Variants in METTL6 observed in about 807,000 individuals in gnomAD.
The protein encoded by METTL6 is tRNA N(3)-cytidine methyltransferase METTL6.
In METTL6, 22 loss-of-function variants were observed where a neutral mutation model predicts 26.4. The observed-to-expected ratio is 0.83, with a 90% CI of 0.59 to 1.19. The LOEUF (loss-of-function observed/expected upper bound fraction) is 1.19. METTL6 is among the 50% of genes most tolerant of loss of function. The pLI is 0.00. For synonymous variants in METTL6, 109 were observed against 116.2 expected, an observed-to-expected ratio of 0.94 and a Z score of 0.40; for missense variants, 304 against 324.8, an observed-to-expected ratio of 0.94 and a Z score of 0.49.
At chr3:15,412,233 C>A (rs983828075) in intron 5 of METTL6, among the ~76,000 whole-genome samples, 47 of 152,268 alleles carry the variant, frequency 3.1e-4, no homozygotes, top group African/African-American at 1.1e-3. Context: ...GAGAAAAACA[C>A]CCAGTGGTGA....
At chr3:15,421,362 AG>A (rs1219011242) in intron 3 of METTL6, among the ~76,000 whole-genome samples, 1 of 152,262 alleles carries the variant, frequency 6.6e-6, no homozygotes, top group Non-Finnish European at 1.5e-5. Context: ...TAGAAGGACA[AG>A]TCAAACTGTA....
chr3:15,408,674 A>G (rs956373052), downstream of METTL6, among the ~76,000 whole-genome samples: 1 of 149,104 alleles, frequency 6.7e-6, no homozygotes, highest in Non-Finnish European at 1.5e-5. Flanking sequence ...TCCTGGGCTC[A>G]TGGGATCCTT....
At chr3:15,417,618 C>T (rs1220722404) in intron 3 of METTL6, among the ~76,000 whole-genome samples, 2 of 151,888 alleles carry the variant, frequency 1.3e-5, no homozygotes, top group Non-Finnish European at 2.9e-5. Flanking sequence ...AGTCCCAAAA[C>T]AGACCTGTAT....
chr3:15,422,872 C>T (rs2061638696), intron 3 of METTL6, among the ~76,000 whole-genome samples: 1 of 152,034 alleles, frequency 6.6e-6, no homozygotes, highest in African/African-American at 2.4e-5. Context: ...ATGTAATATG[C>T]AAGACACAAC....
intron 6 of METTL6, among the ~76,000 whole-genome samples, chr3:15,397,695 C>T (rs1044086013): frequency 6.6e-6 from 1 of 152,194 alleles, no homozygotes; most frequent in Non-Finnish European, 1.5e-5. Context: ...AATAGCCCTT[C>T]CCCCAAACTC....
intron 6 of METTL6, among the ~76,000 whole-genome samples, chr3:15,389,948 G>A (rs1699299588): frequency 6.6e-6 from 1 of 151,122 alleles, no homozygotes; most frequent in Admixed American, 6.6e-5. Context: ...GAACTCTTGG[G>A]CTCAAGGGAT....
At chr3:15,415,397 T>G (rs1206489984) in intron 4 of METTL6, 1 of 1,176,622 alleles carries the variant, frequency 8.5e-7, no homozygotes, top group Non-Finnish European at 1.2e-6. Context: ...CCTCAAGTGA[T>G]TCACCTGCCT....
chr3:15,414,847 AG>A, intron 4 of METTL6: 1 of 544,988 alleles, frequency 1.8e-6, no homozygotes. Flanking sequence ...GCTTGAGCCC[AG>A]GAAGTTGAGG....
chr3:15,414,552 AC>A, intron 4 of METTL6: 1 of 270,446 alleles, frequency 3.7e-6, no homozygotes, highest in Non-Finnish European at 7.1e-6. Context: ...ATGAGGTTTC[AC>A]CATGTTGGCC....
At chr3:15,387,548 C>T (rs1462841820) in intron 6 of METTL6, among the ~76,000 whole-genome samples, 1 of 152,202 alleles carries the variant, frequency 6.6e-6, no homozygotes, top group Non-Finnish European at 1.5e-5. Context: ...CCCCTTTGTC[C>T]TCTGAAGGTT....
intron 3 of METTL6, among the ~76,000 whole-genome samples, chr3:15,419,812 C>CA (rs1405569500): frequency 6.8e-6 from 1 of 147,236 alleles, no homozygotes; most frequent in East Asian, 2.0e-4. Flanking sequence ...TTTGTAAGAG[C>CA]AAAAAAATAG....
intron 3 of METTL6, among the ~76,000 whole-genome samples, chr3:15,421,549 A>G (rs2061611101): frequency 6.6e-6 from 1 of 151,810 alleles, no homozygotes; most frequent in African/African-American, 2.4e-5. Flanking sequence ...GCAGCCTCAA[A>G]CTCCGGGCTC....
chr3:15,412,042 C>T (rs547340970), intron 5 of METTL6, among the ~76,000 whole-genome samples: 23 of 152,232 alleles, frequency 1.5e-4, no homozygotes, highest in African/African-American at 4.8e-4. Flanking sequence ...TGAGATAACA[C>T]GCATGAGCCA....
chr3:15,403,254 G>C (rs1699697851), intron 6 of METTL6, among the ~76,000 whole-genome samples: 1 of 152,072 alleles, frequency 6.6e-6, no homozygotes, highest in Non-Finnish European at 1.5e-5. Context: ...GGGATTATAG[G>C]TATGAGCCAC....
intron 6 of METTL6, among the ~76,000 whole-genome samples, chr3:15,388,701 A>G (rs773206059): frequency 5.9e-5 from 9 of 152,166 alleles, no homozygotes; most frequent in Non-Finnish European, 1.2e-4. Flanking sequence ...CTAAACCATA[A>G]TTTCTAATCT....
At chr3:15,384,167 T>C (rs541349031) in exon 7 of METTL6, 13 of 382,856 alleles carry the variant, frequency 3.4e-5, no homozygotes, top group South Asian at 2.4e-4. Flanking sequence ...GAATCCCAGG[T>C]TCCAGACTTT....
chr3:15,424,901 ACAAGATCGG>A (rs2061684059), intron 3 of METTL6, 45 bp downstream of exon 3: 1 of 1,609,116 alleles, frequency 6.2e-7, no homozygotes, highest in African/African-American at 1.3e-5. Context: ...GGCAGATCAA[ACAAGATCGG>A]CAAGAAAACA....
rs1220201925 is a variant in METTL6 at position 15,426,313 on chromosome 3, ACT to A, written c.197_198del (p.Glu66ValfsTer2). The A allele has an allele frequency of 6.2e-7, 1 of 1,613,810 alleles. No individual in the cohort carries two copies. The highest frequency in any genetic ancestry group is 1.7e-5 in the Admixed American group (1 of 59,998). The part of the protein sequence containing the change: ...FFKDRHWTTR[E>X]FEELRSCREF... ...TCTCTACATGATCTTAGCTCCTCAA[ACT>A]CTCTGGTGGTCCAGTGTCTGTCTTT... On this transcript the variant is annotated frameshift_variant, in exon 2 of 6. Transcript: ENST00000383790. LOFTEE classifies it high-confidence loss of function.
chr3:15,416,380 A>G (rs567362644), intron 3 of METTL6, among the ~76,000 whole-genome samples: 22 of 152,202 alleles, frequency 1.4e-4, no homozygotes, highest in African/African-American at 4.8e-4. Context: ...CCTCCTAAGT[A>G]GCTGGAACTA....
Sources: allele counts gnomAD v4.1 joint callset (sites outside exome capture counted in the v4.1 genomes callset), GRCh38; gene constraint gnomAD v4.1.1; transcripts MANE v1.5; gene names NCBI Gene and HGNC (gene_info 2026-07-23, HGNC 2026-07-21).